Variants in ELAPOR1 observed in about 807,000 individuals in gnomAD.
ELAPOR1 encodes the protein endosome/lysosome-associated apoptosis and autophagy regulator 1.
ELAPOR1 carries 77 observed loss-of-function variants against 119.7 expected under a neutral mutation model. The observed-to-expected ratio is 0.64, with a 90% CI of 0.54 to 0.78. The LOEUF is 0.78. Ranked by LOEUF, ELAPOR1 falls within the 30% of genes least tolerant of loss-of-function variation. The pLI, the probability that ELAPOR1 is intolerant of heterozygous loss-of-function variation, is 0.00. For missense variants in ELAPOR1, 1,115 were observed against 1,270.4 expected, an observed-to-expected ratio of 0.88 and a Z score of 1.86; for synonymous variants, 481 against 487.2, an observed-to-expected ratio of 0.99 and a Z score of 0.17.
In ELAPOR1 at chr1:109,124,398, T is replaced by C. The variant is rs551282570; in HGVS notation, c.153+10062T>C. Among the ~76,000 whole-genome samples, 4 of 152,258 alleles carry C rather than the reference T, an allele frequency of 2.6e-5. No individual in the cohort carries two copies. In the South Asian group the frequency reaches 8.3e-4, roughly 32 times the overall value. ...GGCTTGTGCCACCACATCTAGCTAC[T>C]TTATTATTTTTAAGGCTGCATAGAG... On this transcript the variant is annotated intron_variant, in intron 1 of 21. Transcript: ENST00000369939.
chr1:109,116,481 C>T (rs529489990), intron 1 of ELAPOR1, among the ~76,000 whole-genome samples: 2 of 152,314 alleles, frequency 1.3e-5, no homozygotes, highest in South Asian at 4.1e-4. Flanking sequence ...CCATTTGCCA[C>T]AGGCGTCAGC....
chr1:109,194,496 G>A lies in ELAPOR1; in HGVS notation c.2023G>A (p.Ala675Thr), dbSNP rs552107400. ...CAGGACTTTCAACTACAACTTCTCC[G>A]CTTTGGCAAACACTGTCACTCTTGC... The part of the protein sequence containing the change: ...PTRTFNYNFS[A>T]LANTVTLAGG... The change falls in exon 15 of 22, where the codon GCT (alanine) becomes ACT (threonine). Residue 675 changes from alanine (A) to threonine (T), a missense_variant. Coordinates refer to ENST00000369939, the MANE Select transcript of ELAPOR1 (RefSeq NM_020775.5). The A allele has an allele frequency of 2.0e-5, 32 of 1,613,764 alleles. No homozygotes were observed. The African/African-American group carries it at 2.4e-4, about 12-fold the overall frequency.
intron 1 of ELAPOR1, among the ~76,000 whole-genome samples, chr1:109,118,674 G>A (rs1032100560): frequency 7.2e-5 from 11 of 152,034 alleles, no homozygotes; most frequent in African/African-American, 1.7e-4. Context: ...GGTGACGGGC[G>A]GGTCAAGGAT....
intron 1 of ELAPOR1, among the ~76,000 whole-genome samples, chr1:109,145,966 A>G (rs777357502): frequency 6.6e-6 from 1 of 152,220 alleles, no homozygotes; most frequent in Non-Finnish European, 1.5e-5. Flanking sequence ...AAAAGCAGGA[A>G]CAAAGGCAAT....
At chr1:109,183,279 C>A (rs1652810796) in intron 7 of ELAPOR1, among the ~76,000 whole-genome samples, 1 of 135,760 alleles carries the variant, frequency 7.4e-6, no homozygotes, top group South Asian at 2.3e-4. Flanking sequence ...TTGCCTGAAG[C>A]CAGGAGCTCA....
chr1:109,194,428 C>A lies in ELAPOR1; in HGVS notation c.1955C>A (p.Ser652Tyr), dbSNP rs1410408888. ...CGTCCCTCTCCCCCTCAGATCCACT[C>A]TCTGTGCTACAACGATTGCACCTTC... ...GPGTKNNKIH[S>Y]LCYNDCTFSR... The change falls in exon 15 of 22, where the codon TCT becomes TAT. Residue 652 changes from serine to tyrosine, a missense_variant. By Grantham distance (144) the Ser-to-Tyr change is moderately radical (BLOSUM62 -2). Transcript: ENST00000369939. 6.2e-7 allele frequency: 1 copy of A among 1,613,612 alleles called. No individual in the cohort carries two copies. Among genetic ancestry groups the A allele is most frequent in the African/African-American group, 1.3e-5 (1 of 74,938 alleles).
chr1:109,187,988 A>C, intron 8 of ELAPOR1, 189 bp from the exon 9 acceptor site: 1 of 1,356,606 alleles, frequency 7.4e-7, no homozygotes, highest in Non-Finnish European at 9.5e-7. Context: ...GATTGAACAC[A>C]ACCATGACTC....
At position 109,155,258 on chromosome 1, in the gene ELAPOR1, C is replaced by T. The variant is rs575481699; in HGVS notation, c.154-6636C>T. ...GTGGCGCATCTCTGCTCACTGCAAG[C>T]TCCGCCTCCCGGGTTCACGCCATTC... On this transcript the variant is annotated intron_variant, in intron 1 of 21. Coordinates refer to ENST00000369939, the MANE Select transcript of ELAPOR1 (RefSeq NM_020775.5). Among the ~76,000 whole-genome samples, 4 of 152,242 alleles carry T rather than the reference C, an allele frequency of 2.6e-5. No homozygotes were observed. The East Asian group carries it at 5.8e-4, about 22-fold the overall frequency.
chr1:109,193,946 G>A (rs921596880), intron 14 of ELAPOR1, among the ~76,000 whole-genome samples: 13 of 152,160 alleles, frequency 8.5e-5, no homozygotes, highest in African/African-American at 2.2e-4. Flanking sequence ...AGCCCCTTTC[G>A]GAGTTCAGTT....
intron 7 of ELAPOR1, among the ~76,000 whole-genome samples, chr1:109,183,549 TTTCC>T (rs1187192136): frequency 0.019 from 1,500 of 81,016 alleles, 46 homozygotes; most frequent in African/African-American, 0.062. Flanking sequence ...CTTTCTTTCT[TTTCC>T]TTCCTTCCTT....
chr1:109,192,696 C>T lies in ELAPOR1; in HGVS notation c.1769C>T (p.Pro590Leu), dbSNP rs1478404060. 2 of 1,614,138 alleles carry T rather than the reference C, an allele frequency of 1.2e-6. No homozygotes were observed. The highest frequency in any genetic ancestry group is 1.7e-6 in the Non-Finnish European group (2 of 1,180,024). Residue 590 changes from proline (P) to leucine (L), a missense_variant, in exon 14 of 22, where the codon CCC (proline) becomes CTC (leucine). Physicochemically the swap from Pro to Leu is moderately conservative, Grantham distance 98 (BLOSUM62 -3). Coordinates refer to ENST00000369939, the MANE Select transcript of ELAPOR1 (RefSeq NM_020775.5). ...AATGGTGTGGCCTCCTACTGCCGTC[C>T]CTGTGCCCTAGAAGCCTCTGATGTG... is the stretch of plus-strand genomic sequence containing the variant. ...VMNGVASYCR[P>L]CALEASDVGS...
At chr1:109,127,830 G>A (rs1300262288) in intron 1 of ELAPOR1, among the ~76,000 whole-genome samples, 1 of 150,028 alleles carries the variant, frequency 6.7e-6, no homozygotes, top group Admixed American at 6.6e-5. Context: ...TTCCAAAGTG[G>A]TGGGATTGCA....
At chr1:109,142,870 C>T (rs1649913824) in intron 1 of ELAPOR1, among the ~76,000 whole-genome samples, 1 of 152,064 alleles carries the variant, frequency 6.6e-6, no homozygotes, top group South Asian at 2.1e-4. Flanking sequence ...CAGCATTATT[C>T]ATAATAGCCG....
rs760783402 is a variant in ELAPOR1 at position 109,206,596 on chromosome 1, G to A, written c.*3584G>A. On this transcript the variant is annotated 3_prime_UTR_variant, in exon 22 of 22. Transcript: ENST00000369939. ...TTTTGTCTGACTACATTAAAGATAAGACTGACTATATTTATACAACAGAAA... is the reference window on the plus strand; with the variant it reads ...TTTTGTCTGACTACATTAAAGATAAAACTGACTATATTTATACAACAGAAA... The A allele has an allele frequency of 1.3e-5, 2 of 152,064 alleles. No homozygotes were observed. Among genetic ancestry groups the A allele is most frequent in the Non-Finnish European group, 2.9e-5 (2 of 68,018 alleles). 9.4% of individuals were successfully genotyped at this position (152,064 alleles called of 1,614,324 possible).
chr1:109,178,011 CTTTTT>C (rs61317397), intron 7 of ELAPOR1, among the ~76,000 whole-genome samples: 1 of 135,740 alleles, frequency 7.4e-6, no homozygotes, highest in Non-Finnish European at 1.6e-5. Flanking sequence ...TTTTTTCTTT[CTTTTT>C]TTTTTTTTTT....
chr1:109,153,280 C>A (rs920365701), intron 1 of ELAPOR1, among the ~76,000 whole-genome samples: 1 of 152,088 alleles, frequency 6.6e-6, no homozygotes, highest in Non-Finnish European at 1.5e-5. Flanking sequence ...GAAACTCATA[C>A]TCTTTAACCT....
chr1:109,187,964 A>G, intron 8 of ELAPOR1: 1 of 1,302,192 alleles, frequency 7.7e-7, no homozygotes, highest in Non-Finnish European at 9.8e-7. Context: ...GGCAACATTC[A>G]TTTGGCAGAT....
chr1:109,134,957 G>A (rs1649375713), intron 1 of ELAPOR1, among the ~76,000 whole-genome samples: 1 of 152,140 alleles, frequency 6.6e-6, no homozygotes, highest in African/African-American at 2.4e-5. Flanking sequence ...ATGGGATCAT[G>A]TAATTTTTCA....
chr1:109,137,759 C>T (rs1649569451), intron 1 of ELAPOR1, among the ~76,000 whole-genome samples: 1 of 152,110 alleles, frequency 6.6e-6, no homozygotes, highest in African/African-American at 2.4e-5. Context: ...AACTCCCGAC[C>T]TCAGGTGATC....
Sources: gnomAD v4.1 joint callset for allele counts (sites outside exome capture counted in the v4.1 genomes callset) on GRCh38, gnomAD v4.1.1 for gene constraint, MANE v1.5 for transcripts, NCBI Gene and HGNC (gene_info 2026-07-23, HGNC 2026-07-21) for gene names.